The following PRLR variants were observed in gnomAD, a reference collection of about 807,000 sequenced individuals.
PRLR encodes prolactin receptor.
A neutral mutation model predicts 40.2 loss-of-function variants in PRLR; 13 were observed. That is an observed-to-expected ratio of 0.32 (90% CI 0.21 to 0.51). The LOEUF is 0.51. Among genes scored for constraint, PRLR ranks in the 20% least tolerant of loss-of-function variants. PRLR has a pLI of 0.97. For synonymous variants in PRLR, 269 were observed against 278.7 expected, an observed-to-expected ratio of 0.97 and a Z score of 0.35; for missense variants, 656 against 747.3, an observed-to-expected ratio of 0.88 and a Z score of 1.42.
At chr5:35,069,891 G>A (rs191813268) in intron 7 of PRLR, among the ~76,000 whole-genome samples, 44 of 152,298 alleles carry the variant, frequency 2.9e-4, no homozygotes, top group African/African-American at 1.0e-3. Context: ...CAAGCCCCTT[G>A]GGGCATCAGA....
At chr5:35,149,034 C>T (rs1198530859) in intron 1 of PRLR, among the ~76,000 whole-genome samples, 2 of 152,064 alleles carry the variant, frequency 1.3e-5, no homozygotes, top group Non-Finnish European at 2.9e-5. Context: ...AAGAAGATGG[C>T]CTTGAGAAAT....
At chr5:35,069,001 A>T (rs1769580296) in intron 7 of PRLR, 123 bp from the exon 8 acceptor site, 4 of 639,850 alleles carry the variant, frequency 6.3e-6, no homozygotes, top group Non-Finnish European at 1.1e-5. Context: ...TTTTGATTTG[A>T]ACAGCAATCC....
intron 1 of PRLR, among the ~76,000 whole-genome samples, chr5:35,158,584 A>G (rs533181467): frequency 1.2e-4 from 19 of 152,228 alleles, no homozygotes; most frequent in South Asian, 6.2e-4. Context: ...ACCTTGCCCA[A>G]TGAAGGGTGA....
At chr5:35,075,817 C>T (rs975542760) in intron 5 of PRLR, among the ~76,000 whole-genome samples, 3 of 152,170 alleles carry the variant, frequency 2.0e-5, no homozygotes, top group African/African-American at 7.2e-5. Flanking sequence ...CTCATACACC[C>T]AGGTGCCCCT....
chr5:35,191,237 A>AT (rs1272132010), intron 1 of PRLR, among the ~76,000 whole-genome samples: 1 of 126,596 alleles, frequency 7.9e-6, no homozygotes, highest in Non-Finnish European at 1.7e-5. Context: ...CGCCCGGCTA[A>AT]TTTTTTGTAT....
At chr5:35,080,272 AT>A (rs762155777) in intron 5 of PRLR, among the ~76,000 whole-genome samples, 23 of 152,178 alleles carry the variant, frequency 1.5e-4, no homozygotes, top group Non-Finnish European at 2.8e-4. Context: ...ATGGGAGAAA[AT>A]TTTTACAATC....
chr5:35,049,113 T>C (rs1768384906), exon 9 of PRLR: 1 of 690,654 alleles, frequency 1.4e-6, no homozygotes, highest in South Asian at 1.5e-5. Context: ...CAATTCTGCT[T>C]TGGGGGCAGT....
chr5:35,120,483 T>G (rs1773251449), intron 1 of PRLR, among the ~76,000 whole-genome samples: 1 of 152,208 alleles, frequency 6.6e-6, no homozygotes, highest in African/African-American at 2.4e-5. Flanking sequence ...GGTGTAAAAT[T>G]TTGTATATAC....
chr5:35,074,446 G>A (rs1390785074), intron 5 of PRLR, among the ~76,000 whole-genome samples: 3 of 149,058 alleles, frequency 2.0e-5, no homozygotes, highest in Non-Finnish European at 4.4e-5. Flanking sequence ...TGGGTGACAA[G>A]AGCGAAACTC....
At chr5:35,049,126 G>A in exon 9 of PRLR, 2 of 695,556 alleles carry the variant, frequency 2.9e-6, no homozygotes, top group Non-Finnish European at 2.6e-6. Context: ...GGGGCAGTAG[G>A]GAGTGATCAT....
At chr5:35,178,643 T>C (rs1296888940) in intron 1 of PRLR, among the ~76,000 whole-genome samples, 1 of 152,194 alleles carries the variant, frequency 6.6e-6, no homozygotes, top group Non-Finnish European at 1.5e-5. Flanking sequence ...CCTCACTGAA[T>C]TACGAAATGG....
At chr5:35,118,770 G>A (rs1773161794) in intron 1 of PRLR, among the ~76,000 whole-genome samples, 1 of 151,930 alleles carries the variant, frequency 6.6e-6, no homozygotes, top group Non-Finnish European at 1.5e-5. Context: ...AGGCATGAAG[G>A]GACAACTGTT....
intron 1 of PRLR, among the ~76,000 whole-genome samples, chr5:35,164,368 G>T (rs754556722): frequency 6.6e-6 from 1 of 152,040 alleles, no homozygotes; most frequent in Non-Finnish European, 1.5e-5. Flanking sequence ...GTTTACTAAG[G>T]GTGCTCAGGG....
rs1051982499 is a variant in PRLR, at chr5:35,056,820, TA to T, written c.*8268del. 2 of 152,158 alleles carry T rather than the reference TA, an allele frequency of 1.3e-5. No individual in the cohort carries two copies. Among genetic ancestry groups the T allele is most frequent in the Non-Finnish European group, 2.9e-5 (2 of 68,024 alleles). 9.4% of individuals were successfully genotyped at this position (152,158 alleles called of 1,614,324 possible). A position where few individuals can be genotyped will look rare whatever the true frequency, so the allele number is the denominator to read the frequency against. On this transcript the variant is annotated 3_prime_UTR_variant, in exon 10 of 10. Transcript: ENST00000618457. ...TTTCTGTGACTGAAGCCAAGTTTTTTAGAGCATGATACTCAAGTAAGAAAGA... is the reference window on the plus strand; with the variant it reads ...TTTCTGTGACTGAAGCCAAGTTTTTTGAGCATGATACTCAAGTAAGAAAGA...
intron 3 of PRLR, 68 bp from the exon 4 acceptor site, chr5:35,086,408 G>A: frequency 1.3e-6 from 2 of 1,569,436 alleles, no homozygotes; most frequent in Non-Finnish European, 1.7e-6. Context: ...TTCTGCTGGT[G>A]ACAGAAACAG....
At chr5:35,222,067 G>T (rs1561372442) in intron 1 of PRLR, among the ~76,000 whole-genome samples, 1 of 152,206 alleles carries the variant, frequency 6.6e-6, no homozygotes, top group East Asian at 1.9e-4. Flanking sequence ...CACTTTGGGA[G>T]GCCAAGGCGG....
chr5:35,083,009 A>G (rs979868058), intron 5 of PRLR, among the ~76,000 whole-genome samples: 1 of 151,732 alleles, frequency 6.6e-6, no homozygotes, highest in Non-Finnish European at 1.5e-5. Context: ...CTAATTTCAG[A>G]ACATTTCTTG....
Position 35,060,730 on chromosome 5 carries a change from T to C in PRLR, c.*4359A>G, listed in dbSNP as rs1192631715. On this transcript the variant is annotated 3_prime_UTR_variant, in exon 10 of 10. Transcript: ENST00000618457. ...GGAAATTTGTTCACTCAAGAACACA[T>C]GAGACTTTCGTCAATGGCACATCTA... The C allele has an allele frequency of 6.6e-6, 1 of 152,210 alleles. No individual in the cohort carries two copies. Among genetic ancestry groups the C allele is most frequent in the Non-Finnish European group, 1.5e-5 (1 of 68,016 alleles). The allele number at this position is 152,210 out of a possible 1,614,324, so 9.4% of individuals were successfully genotyped here.
chr5:35,051,628 T>C (rs1329886329), downstream of PRLR, among the ~76,000 whole-genome samples: 1 of 152,220 alleles, frequency 6.6e-6, no homozygotes, highest in African/African-American at 2.4e-5. Flanking sequence ...TACAAGGACC[T>C]TTAATTATAT....
Sources: allele counts gnomAD v4.1 joint callset (sites outside exome capture counted in the v4.1 genomes callset), GRCh38; gene constraint gnomAD v4.1.1; transcripts MANE v1.5; gene names NCBI Gene and HGNC (gene_info 2026-07-23, HGNC 2026-07-21).